DAZL: variants seen among roughly 807,000 people sequenced by gnomAD.
The protein encoded by DAZL is deleted in azoospermia-like.
In DAZL, 4 loss-of-function variants were observed where a neutral mutation model predicts 45.0. That is an observed-to-expected ratio of 0.09 (90% CI 0.04 to 0.20). The LOEUF (loss-of-function observed/expected upper bound fraction) is 0.20, where lower values mean the gene tolerates loss of function less well. Ranked by LOEUF, DAZL falls within the 10% of genes least tolerant of loss-of-function variation. The pLI, the probability that DAZL is intolerant of heterozygous loss-of-function variation, is 1.00. For synonymous variants in DAZL, 122 were observed against 112.4 expected, an observed-to-expected ratio of 1.09 and a Z score of -0.54; for missense variants, 326 against 351.3, an observed-to-expected ratio of 0.93 and a Z score of 0.58.
rs749648873 is a variant in DAZL at position 16,592,117 on chromosome 3, A to C, written c.767T>G (p.Val256Gly). 2.5e-6 allele frequency: 4 copies of C among 1,613,730 alleles called. No homozygotes were observed. Among genetic ancestry groups the C allele is most frequent in the Non-Finnish European group, 3.4e-6 (4 of 1,179,900 alleles). Residue 256 changes from valine to glycine, a missense_variant, in exon 10 of 11, where the codon GTA becomes GGA. Val to Gly is a moderately radical substitution (Grantham distance 109). Transcript: ENST00000399444. Reference protein sequence around the residue: ...KSVDRSIQTVVSCLFNPENRL... With the variant: ...KSVDRSIQTVGSCLFNPENRL... The stretch of plus-strand genomic sequence containing the variant: ...GTTCTCTGGATTAAACAGACAAGAT[A>C]CCACCGTTTGTATGCTTCGGTCCAC...
At chr3:16,602,260 C>G (rs1291583487) in intron 1 of DAZL, among the ~76,000 whole-genome samples, 1 of 152,076 alleles carries the variant, frequency 6.6e-6, no homozygotes, top group Non-Finnish European at 1.5e-5. Context: ...TGCATAAACT[C>G]TATAGAAATA....
intron 9 of DAZL, among the ~76,000 whole-genome samples, chr3:16,592,351 A>G (rs1354189655): frequency 6.6e-6 from 1 of 152,118 alleles, no homozygotes; most frequent in African/African-American, 2.4e-5. Context: ...CCTCCTCCTG[A>G]GGTCAGGAAT....
At chr3:16,588,926 G>A (rs1694478601) in intron 10 of DAZL, among the ~76,000 whole-genome samples, 1 of 149,612 alleles carries the variant, frequency 6.7e-6, no homozygotes, top group African/African-American at 2.5e-5. Context: ...AGTTAAAAAA[G>A]AAATCAATTA....
chr3:16,605,241 G>A lies in DAZL; in HGVS notation c.-36C>T. The A allele has an allele frequency of 3.1e-6, 5 of 1,614,068 alleles. No homozygotes were observed. Among genetic ancestry groups the A allele is most frequent in the East Asian group, 2.2e-5 (1 of 44,874 alleles). On this transcript the variant is annotated 5_prime_UTR_variant, in exon 1 of 11. Coordinates refer to ENST00000399444, the MANE Select transcript of DAZL (RefSeq NM_001351.4). ...GGCAGCAGTTCCCGACCGGCTCCAG[G>A]AGGAGCAGAGGCTGTGCTTGGCGCA...
intron 3 of DAZL, 135 bp downstream of exon 3, chr3:16,597,952 T>C (rs2125046793): frequency 2.1e-6 from 2 of 960,668 alleles, no homozygotes; most frequent in Non-Finnish European, 3.0e-6. Flanking sequence ...GAGCTGGCAA[T>C]AAACTTTTAT....
At chr3:16,598,292 C>A in intron 2 of DAZL, 114 bp from the exon 3 acceptor site, 11 of 1,395,028 alleles carry the variant, frequency 7.9e-6, no homozygotes, top group Non-Finnish European at 1.1e-5. Context: ...CCCAAATGAC[C>A]AGTAGCTCTT....
At chr3:16,592,477 G>A (rs537214242) in intron 9 of DAZL, among the ~76,000 whole-genome samples, 1 of 151,890 alleles carries the variant, frequency 6.6e-6, no homozygotes, top group South Asian at 2.1e-4. Context: ...CTGAGGCAGG[G>A]AGAATTGCTT....
Position 16,587,035 on chromosome 3 carries a change from T to G in DAZL, c.*1625A>C, listed in dbSNP as rs944932968. 1 of 152,154 alleles carries G rather than the reference T, an allele frequency of 6.6e-6. No homozygotes were observed. Among genetic ancestry groups the G allele is most frequent in the Admixed American group, 6.6e-5 (1 of 15,256 alleles). The allele number at this position is 152,154 out of a possible 1,614,324, so 9.4% of individuals were successfully genotyped here. A position where few individuals can be genotyped will look rare whatever the true frequency, so the allele number is the denominator to read the frequency against. On this transcript the variant is annotated 3_prime_UTR_variant, in exon 11 of 11. Transcript: ENST00000399444. ...TTTAGAATATAGATATCATTTATAG[T>G]AAGCTGGAGATTTAATCACAGAATG... is the stretch of plus-strand genomic sequence containing the variant.
chr3:16,598,610 A>C lies in DAZL; in HGVS notation c.4-12T>G. 1.9e-6 allele frequency: 3 copies of C among 1,590,972 alleles called. No individual in the cohort carries two copies. Among genetic ancestry groups the C allele is most frequent in the Non-Finnish European group, 2.6e-6 (3 of 1,174,720 alleles). On this transcript the variant is annotated splice_polypyrimidine_tract_variant and intron_variant, in intron 1 of 10. Coordinates refer to ENST00000399444, the MANE Select transcript of DAZL (RefSeq NM_001351.4). ...GGATTTGCAGTAGACTGTAATTTGG[A>C]AAGTAGACATCATAATTAGATACAC...
intron 10 of DAZL, among the ~76,000 whole-genome samples, chr3:16,590,286 G>T (rs532592765): frequency 8.0e-6 from 1 of 124,586 alleles, no homozygotes; most frequent in South Asian, 2.3e-4. Context: ...AAGATGTTAA[G>T]AACTTAATTC....
chr3:16,597,115 G>T, intron 4 of DAZL, 64 bp from the exon 5 acceptor site: 1 of 1,495,962 alleles, frequency 6.7e-7, no homozygotes, highest in Non-Finnish European at 9.3e-7. Flanking sequence ...AGACTTGGAT[G>T]AACACCTAAA....
chr3:16,589,285 G>C (rs1575414975), intron 10 of DAZL, among the ~76,000 whole-genome samples: 1 of 152,236 alleles, frequency 6.6e-6, no homozygotes, highest in East Asian at 1.9e-4. Flanking sequence ...GATGTGCAGA[G>C]AGAAAAAAGT....
At chr3:16,601,183 T>C (rs907192908) in intron 1 of DAZL, among the ~76,000 whole-genome samples, 13 of 152,300 alleles carry the variant, frequency 8.5e-5, no homozygotes, top group African/African-American at 2.2e-4. Context: ...AAATGAATGG[T>C]TGGAAAAGAT....
Position 16,592,613 on chromosome 3 carries a change from A to T in DAZL, c.736-465T>A, listed in dbSNP as rs1381394179. ...GAAATTCATAAAAATGTGATTCATA[A>T]TTCTTACCACGTATCACTCAATATG... On this transcript the variant is annotated intron_variant, in intron 9 of 10. Transcript: ENST00000399444. Among the ~76,000 whole-genome samples, 4 of 151,992 alleles carry T rather than the reference A, an allele frequency of 2.6e-5. No individual in the cohort carries two copies. In the East Asian group the frequency reaches 7.7e-4, roughly 29 times the overall value.
At chr3:16,597,118 C>T in intron 4 of DAZL, 67 bp from the exon 5 acceptor site, 2 of 1,478,964 alleles carry the variant, frequency 1.4e-6, no homozygotes, top group Non-Finnish European at 1.9e-6. Context: ...CTTGGATGAA[C>T]ACCTAAAGTC....
At chr3:16,604,782 C>A (rs1029665071) in intron 1 of DAZL, 54 of 1,336,996 alleles carry the variant, frequency 4.0e-5, no homozygotes, top group South Asian at 4.0e-4. Flanking sequence ...GGCGGAGGCG[C>A]GTGGGAGTGG....
intron 4 of DAZL, 50 bp downstream of exon 4, chr3:16,597,440 T>A: frequency 8.6e-7 from 1 of 1,161,516 alleles, no homozygotes; most frequent in Non-Finnish European, 1.3e-6. Context: ...CACTTGACAC[T>A]AAACATTGTA....
Position 16,598,147 on chromosome 3 carries a change from G to A in DAZL, c.182C>T (p.Ala61Val). 1 of 1,600,392 alleles carries A rather than the reference G, an allele frequency of 6.2e-7. No homozygotes were observed. Among genetic ancestry groups the A allele is most frequent in the East Asian group, 2.2e-5 (1 of 44,466 alleles). Residue 61 changes from alanine to valine, a missense_variant, in exon 3 of 11, where the codon GCT (alanine) becomes GTT (valine). Around this residue, in one of 3 missense-constraint regions of DAZL, gnomAD observed 81 missense variants for 89.6 expected, o/e 0.90. Coordinates refer to ENST00000399444, the MANE Select transcript of DAZL (RefSeq NM_001351.4). ...MDETEIRSFF[A>V]RYGSVKEVKI... ...CACTTCTTTCACTGAACCATATCTA[G>A]CAAAGAAGCTTCTAATCTCAGTTTC...
intron 6 of DAZL, among the ~76,000 whole-genome samples, chr3:16,596,017 GC>G (rs1373179368): frequency 6.6e-6 from 1 of 151,026 alleles, no homozygotes; most frequent in African/African-American, 2.4e-5. Flanking sequence ...TTTTTTTCTA[GC>G]CATTGTTCAG....
Sources: allele counts gnomAD v4.1 joint callset (sites outside exome capture counted in the v4.1 genomes callset), GRCh38; gene constraint gnomAD v4.1.1; regional missense constraint gnomAD v4.1.1; transcripts MANE v1.5; gene names NCBI Gene and HGNC (gene_info 2026-07-23, HGNC 2026-07-21).